The following ZRANB3 variants were observed in gnomAD, a reference collection of about 807,000 sequenced individuals.
ZRANB3 encodes the protein zinc finger RANBP2-type containing 3, also known as DNA annealing helicase and endonuclease ZRANB3.
Under a neutral mutation model 133.8 loss-of-function variants are expected in ZRANB3, and 125 were observed. The observed-to-expected ratio is 0.93, with a 90% confidence interval of 0.81 to 1.08. The LOEUF is 1.08. Ranked by LOEUF, ZRANB3 falls within the 50% of genes least tolerant of loss-of-function variation. ZRANB3 has a pLI of 0.00. For missense variants in ZRANB3, 1,229 were observed against 1,275.5 expected (o/e 0.96, Z 0.56); for synonymous variants, 387 against 432.7 (o/e 0.89, Z 1.31).
intron 1 of ZRANB3, 114 bp from the exon 2 acceptor site, chr2:135,504,610 C>G: frequency 1.1e-6 from 1 of 944,282 alleles, no homozygotes; most frequent in Non-Finnish European, 1.5e-6. Flanking sequence ...CTTTGACATA[C>G]CATTTATATA....
Position 135,253,394 on chromosome 2 carries a change from G to T in ZRANB3, c.1539+12140C>A, listed in dbSNP as rs575258808. ...AAAGCCTGGACAGGGAGTGGAGAGA[G>T]AGAGAGAGATCCCTTCACCATAGGC... On this transcript the variant is annotated intron_variant, in intron 12 of 20. Transcript: ENST00000264159. 2.6e-5 allele frequency among the ~76,000 whole-genome samples: 4 copies of T among 152,292 alleles called. No homozygotes were observed. The South Asian group carries it at 8.3e-4, about 32-fold the overall frequency.
intron 1 of ZRANB3, chr2:135,510,804 A>T (rs1443990742): frequency 1.2e-6 from 1 of 832,466 alleles, no homozygotes; most frequent in East Asian, 2.4e-5. Context: ...AACAAAACCA[A>T]AACTGGGTAA....
chr2:135,495,858 A>G (rs530768748), intron 2 of ZRANB3, among the ~76,000 whole-genome samples: 1 of 152,194 alleles, frequency 6.6e-6, no homozygotes, highest in East Asian at 1.9e-4. Context: ...GTGCACCTCA[A>G]ATCCATATAT....
At chr2:135,318,404 T>C (rs1348168944) in intron 6 of ZRANB3, among the ~76,000 whole-genome samples, 5 of 152,176 alleles carry the variant, frequency 3.3e-5, no homozygotes, top group African/African-American at 7.2e-5. Context: ...TTGAATAAAC[T>C]GTGGGGCATG....
Position 135,350,185 on chromosome 2 carries a change from C to T in ZRANB3, c.390G>A (p.Leu130=), listed in dbSNP as rs1278051877. The T allele has an allele frequency of 1.2e-6, 2 of 1,603,630 alleles. No individual in the cohort carries two copies. Among genetic ancestry groups the T allele is most frequent in the Admixed American group, 1.7e-5 (1 of 58,096 alleles). The change falls in exon 5 of 21, where the codon CTG becomes CTA. Residue 130 remains leucine (L), a synonymous_variant. Coordinates refer to ENST00000264159, the MANE Select transcript of ZRANB3 (RefSeq NM_032143.4). Reference sequence around the variant, plus strand: ...CATCTGCGGTTAAGAGACCATAACCCAGAACTGTCACTTTACTGGTCGACA... The same window carrying T: ...CATCTGCGGTTAAGAGACCATAACCTAGAACTGTCACTTTACTGGTCGACA... The part of the protein sequence containing the change: ...RRMSTSKVTV[L]GYGLLTADAK...
chr2:135,481,637 A>G (rs1014413285), intron 2 of ZRANB3, among the ~76,000 whole-genome samples: 1 of 149,818 alleles, frequency 6.7e-6, no homozygotes, highest in Non-Finnish European at 1.5e-5. Context: ...CCATTTGTCA[A>G]TTTTGGCTTT....
chr2:135,353,670 A>G (rs1685309455), intron 3 of ZRANB3, 42 bp from the exon 4 acceptor site: 3 of 1,244,100 alleles, frequency 2.4e-6, no homozygotes, highest in Non-Finnish European at 3.2e-6. Context: ...AGAGCCTAAA[A>G]TATTTTAAAA....
chr2:135,292,878 C>G (rs1681832603), intron 8 of ZRANB3, among the ~76,000 whole-genome samples: 2 of 151,940 alleles, frequency 1.3e-5, no homozygotes, highest in South Asian at 2.1e-4. Flanking sequence ...TTGTTTTTCT[C>G]AGGTTTGTCA....
Position 135,411,746 on chromosome 2 carries a change from T to C in ZRANB3, c.162-20926A>G, listed in dbSNP as rs115522075. 3.0e-3 allele frequency among the ~76,000 whole-genome samples: 454 copies of C among 152,100 alleles called. 2 individuals are homozygous for C. Among genetic ancestry groups the C allele is most frequent in the African/African-American group, 0.01 (429 of 41,480 alleles). Reference sequence around the variant, plus strand: ...AATGGGTACACATAAAAATGAACAATGGCCACTGGGGACTCCAAAAGGGGG... The same window carrying C: ...AATGGGTACACATAAAAATGAACAACGGCCACTGGGGACTCCAAAAGGGGG... On this transcript the variant is annotated intron_variant, in intron 2 of 20. Transcript: ENST00000264159.
At chr2:135,500,034 T>C (rs148706504) in intron 2 of ZRANB3, among the ~76,000 whole-genome samples, 3,453 of 152,168 alleles carry the variant, frequency 0.023, 104 homozygotes, top group South Asian at 0.082. Flanking sequence ...AAGAAAACAG[T>C]AGCCTACAAG....
chr2:135,267,856 TG>T (rs1680320496), intron 11 of ZRANB3, among the ~76,000 whole-genome samples: 2 of 152,144 alleles, frequency 1.3e-5, no homozygotes, highest in South Asian at 4.2e-4. Context: ...ATGTTGATGG[TG>T]TTCGGAGGTG....
At chr2:135,288,417 G>C (rs1330191431) in intron 8 of ZRANB3, among the ~76,000 whole-genome samples, 1 of 152,068 alleles carries the variant, frequency 6.6e-6, no homozygotes, top group African/African-American at 2.4e-5. Context: ...ATCCTTTCCT[G>C]GTTTTGGTGT....
intron 2 of ZRANB3, among the ~76,000 whole-genome samples, chr2:135,451,549 G>A (rs189381357): frequency 1.5e-4 from 22 of 150,908 alleles, no homozygotes; most frequent in African/African-American, 4.1e-4. Context: ...GCAACAGAGC[G>A]AGACTCCATC....
At chr2:135,237,330 TA>T in intron 12 of ZRANB3, among the ~76,000 whole-genome samples, 1 of 151,458 alleles carries the variant, frequency 6.6e-6, no homozygotes, top group East Asian at 1.9e-4. Context: ...GGAACACTTT[TA>T]CACTGTTGGT....
intron 12 of ZRANB3, among the ~76,000 whole-genome samples, chr2:135,243,066 G>T (rs965314712): frequency 6.6e-6 from 1 of 152,176 alleles, no homozygotes; most frequent in Admixed American, 6.6e-5. Context: ...TTAATAAGAT[G>T]CTAAAATGCT....
intron 3 of ZRANB3, among the ~76,000 whole-genome samples, chr2:135,380,938 G>C (rs1162117091): frequency 6.6e-6 from 1 of 152,180 alleles, no homozygotes; most frequent in East Asian, 1.9e-4. Flanking sequence ...CGCAGAAGAG[G>C]GGTGATTTCT....
At chr2:135,366,014 A>G (rs1685917060) in intron 3 of ZRANB3, among the ~76,000 whole-genome samples, 1 of 152,250 alleles carries the variant, frequency 6.6e-6, no homozygotes, top group Non-Finnish European at 1.5e-5. Flanking sequence ...TGCTTTTAAA[A>G]TAAGGAATCA....
chr2:135,408,948 G>A (rs1445931635), intron 2 of ZRANB3, among the ~76,000 whole-genome samples: 1 of 151,968 alleles, frequency 6.6e-6, no homozygotes, highest in Non-Finnish European at 1.5e-5. Flanking sequence ...CACGTTGGCA[G>A]ATGTACCCTA....
intron 6 of ZRANB3, among the ~76,000 whole-genome samples, chr2:135,344,046 A>G (rs1684814169): frequency 6.6e-6 from 1 of 152,246 alleles, no homozygotes; most frequent in African/African-American, 2.4e-5. Flanking sequence ...TCCCCTATGC[A>G]TATGGCATGA....
Sources: gnomAD v4.1 joint callset for allele counts (sites outside exome capture counted in the v4.1 genomes callset) on GRCh38, gnomAD v4.1.1 for gene constraint, MANE v1.5 for transcripts, NCBI Gene and HGNC (gene_info 2026-07-23, HGNC 2026-07-21) for gene names.